Variants in SLC30A8 observed in about 807,000 individuals in gnomAD.
SLC30A8 encodes proton-coupled zinc antiporter SLC30A8.
Under a neutral mutation model 36.9 loss-of-function variants are expected in SLC30A8, and 27 were observed. That is an observed-to-expected ratio of 0.73 (90% CI 0.54 to 1.01). The LOEUF (loss-of-function observed/expected upper bound fraction) is 1.01, where lower values mean the gene tolerates loss of function less well. Among genes scored for constraint, SLC30A8 ranks in the 50% least tolerant of loss-of-function variants. SLC30A8 has a pLI of 0.00. For synonymous variants in SLC30A8, 164 were observed against 172.4 expected (o/e 0.95, Z 0.38); for missense variants, 439 against 452.0 (o/e 0.97, Z 0.26).
chr8:116,981,199 G>T (rs1341888892), intron 1 of SLC30A8, among the ~76,000 whole-genome samples: 1 of 152,150 alleles, frequency 6.6e-6, no homozygotes, highest in Non-Finnish European at 1.5e-5. Flanking sequence ...GCTAAGCTGG[G>T]ACTCTCACTC....
intron 1 of SLC30A8, chr8:117,018,326 T>C (rs1297440457): frequency 6.6e-6 from 1 of 152,202 alleles, no homozygotes; most frequent in Non-Finnish European, 1.5e-5. Flanking sequence ...ATAATATATT[T>C]TAACATAATA....
intron 1 of SLC30A8, among the ~76,000 whole-genome samples, chr8:116,979,302 C>T (rs1326779003): frequency 1.4e-5 from 2 of 146,504 alleles, no homozygotes; most frequent in Admixed American, 1.4e-4. Flanking sequence ...CTCTTTTAAG[C>T]ACTCATTCTA....
rs560036880 is a variant in SLC30A8 at position 117,167,465 on chromosome 8, A to G, written c.830-3569A>G. Among the ~76,000 whole-genome samples the G allele has an allele frequency of 4.0e-5, 6 of 151,138 alleles. No homozygotes were observed. The South Asian group carries it at 1.0e-3, about 26-fold the overall frequency. On this transcript the variant is annotated intron_variant, in intron 6 of 7. Coordinates refer to ENST00000456015, the MANE Select transcript of SLC30A8 (RefSeq NM_173851.3). ...TAAGTTGACATTTATCTTTCCAAAG[A>G]TATTTGTGCATTTGCATATATATAT...
chr8:117,013,114 G>T (rs987058969), intron 1 of SLC30A8, among the ~76,000 whole-genome samples: 7 of 152,136 alleles, frequency 4.6e-5, no homozygotes, highest in African/African-American at 1.7e-4. Context: ...GAATTCAATT[G>T]TGTGAAGAAT....
At chr8:117,050,995 C>T (rs1047946630) in intron 2 of SLC30A8, among the ~76,000 whole-genome samples, 7 of 152,284 alleles carry the variant, frequency 4.6e-5, no homozygotes, top group African/African-American at 1.7e-4. Context: ...CTAATAACCA[C>T]TTGTGGTGGA....
At chr8:116,977,141 C>CTTTTTTTTTTTTTTTTTTTTTTTTTTTT (rs71305451) in intron 1 of SLC30A8, among the ~76,000 whole-genome samples, 1 of 59,094 alleles carries the variant, frequency 1.7e-5, no homozygotes, top group Non-Finnish European at 2.8e-5. Context: ...CTTTTTCTTG[C>CTTTTTTTTTTTTTTTTTTTTTTTTTTTT]TTTTTTTTTT....
At chr8:117,137,776 A>G (rs906984934) in intron 1 of SLC30A8, among the ~76,000 whole-genome samples, 4 of 152,000 alleles carry the variant, frequency 2.6e-5, no homozygotes, top group African/African-American at 9.7e-5. Flanking sequence ...CCATTCTCAG[A>G]TAGCTTAAGC....
chr8:117,168,185 C>A (rs1223091160), intron 6 of SLC30A8, among the ~76,000 whole-genome samples: 1 of 152,048 alleles, frequency 6.6e-6, no homozygotes, highest in Non-Finnish European at 1.5e-5. Context: ...GGGACACAGC[C>A]AAACTATATC....
At chr8:117,041,798 T>C (rs1817397092) in intron 2 of SLC30A8, among the ~76,000 whole-genome samples, 1 of 152,210 alleles carries the variant, frequency 6.6e-6, no homozygotes, top group African/African-American at 2.4e-5. Context: ...CTAGGTCTTG[T>C]GTGTTTTAGT....
intron 2 of SLC30A8, among the ~76,000 whole-genome samples, chr8:117,122,652 T>C (rs1820737641): frequency 6.6e-6 from 1 of 152,006 alleles, no homozygotes; most frequent in Non-Finnish European, 1.5e-5. Flanking sequence ...ATTTTAAACA[T>C]TGTCTTATTC....
rs528011789 is a variant in SLC30A8, at chr8:116,954,151, C to T, written c.-266+3032C>T. On this transcript the variant is annotated intron_variant, in intron 1 of 10. Transcript: ENST00000427715. ...GGAGATAAGATAATGAAGATAATGC[C>T]CTCATTTTTAGCATGGAAAGATGAG... Among the ~76,000 whole-genome samples, 12 of 152,060 alleles carry T rather than the reference C, an allele frequency of 7.9e-5. No individual in the cohort carries two copies. The South Asian group carries it at 2.3e-3, about 29-fold the overall frequency.
chr8:117,035,604 G>T (rs9643113), intron 1 of SLC30A8, among the ~76,000 whole-genome samples: 97,806 of 152,116 alleles, frequency 0.64, 32,458 homozygotes, highest in African/African-American at 0.81. Flanking sequence ...ACAGTTCCAC[G>T]AAGCAGTGCC....
At position 117,146,954 on chromosome 8, in the gene SLC30A8, T is replaced by C. The variant is rs144023942; in HGVS notation, c.72T>C (p.Ser24=). The C allele has an allele frequency of 5.7e-4, 917 of 1,613,828 alleles. 10 individuals carry two copies. In the African/African-American group the frequency reaches 0.01, roughly 18 times the overall value. The change falls in exon 2 of 8, where the codon AGT becomes AGC. Residue 24 remains serine (S), a splice_region_variant and synonymous_variant. Transcript: ENST00000456015. ...AAKMYAFTLE[S]VELQQKPVNK... ...TTGCTTCTGTCAAACTCATCCATAG[T>C]GTGGAACTCCAACAGAAACCGGTGA...
chr8:116,954,249 A>C (rs1453309177), intron 1 of SLC30A8, among the ~76,000 whole-genome samples: 1 of 152,132 alleles, frequency 6.6e-6, no homozygotes, highest in African/African-American at 2.4e-5. Context: ...GAGACATGAG[A>C]GTTCAGTTTT....
At chr8:117,159,335 G>A (rs1563634490) in intron 4 of SLC30A8, among the ~76,000 whole-genome samples, 3 of 152,192 alleles carry the variant, frequency 2.0e-5, no homozygotes, top group Admixed American at 6.5e-5. Flanking sequence ...AGAGAAGACA[G>A]TGATCGAAAA....
chr8:116,979,802 C>T (rs1815193418), intron 1 of SLC30A8, among the ~76,000 whole-genome samples: 1 of 152,166 alleles, frequency 6.6e-6, no homozygotes, highest in African/African-American at 2.4e-5. Context: ...TTATCTTCTG[C>T]CCTGGACCTT....
Position 116,966,712 on chromosome 8 carries a change from T to G in SLC30A8, c.-266+15593T>G, listed in dbSNP as rs1376216243. Among the ~76,000 whole-genome samples the G allele has an allele frequency of 1.3e-5, 2 of 152,192 alleles. 1 individual carries two copies. The highest frequency in any genetic ancestry group is 1.3e-4 in the Admixed American group (2 of 15,272). ...AGAGTAATAAGAATCTCAGTTCTCC[T>G]AGCTGACATCAGATTCTTGAAGAAA... On this transcript the variant is annotated intron_variant, in intron 1 of 10. Coordinates refer to the SLC30A8 transcript ENST00000427715.
At chr8:116,964,245 G>A (rs1226068997) in intron 1 of SLC30A8, among the ~76,000 whole-genome samples, 1 of 152,132 alleles carries the variant, frequency 6.6e-6, no homozygotes, top group Non-Finnish European at 1.5e-5. Flanking sequence ...TGAAGTATGA[G>A]CACGCTGATG....
At chr8:116,968,299 G>A in intron 1 of SLC30A8, among the ~76,000 whole-genome samples, 1 of 150,344 alleles carries the variant, frequency 6.7e-6, no homozygotes, top group Non-Finnish European at 1.5e-5. Context: ...CTATAGTATA[G>A]CTTATAGCTA....
Sources: gnomAD v4.1 joint callset for allele counts (sites outside exome capture counted in the v4.1 genomes callset) on GRCh38, gnomAD v4.1.1 for gene constraint, MANE v1.5 for transcripts, NCBI Gene and HGNC (gene_info 2026-07-23, HGNC 2026-07-21) for gene names.